LOC128706666: variants seen among roughly 807,000 people sequenced by gnomAD.
chr20:10,430,048 A>C, the LOC128706666 span, among the ~76,000 whole-genome samples: 1 of 152,250 alleles, frequency 6.6e-6, no homozygotes, highest in Non-Finnish European at 1.5e-5. Flanking sequence ...CAAAAAAACA[A>C]AAACAAAAAC....
the LOC128706666 span, chr20:10,431,799 A>G: frequency 4.6e-5 from 7 of 152,314 alleles, no homozygotes; most frequent in Non-Finnish European, 1.0e-4. Flanking sequence ...GCGTAGCAGA[A>G]AAGTAGAGAA....
chr20:10,416,920 T>C, the LOC128706666 span, among the ~76,000 whole-genome samples: 1 of 152,282 alleles, frequency 6.6e-6, no homozygotes, highest in Non-Finnish European at 1.5e-5. Flanking sequence ...AGCTGAAGGG[T>C]TGGTATAGAC....
the LOC128706666 span, chr20:10,413,913 T>A: frequency 2.4e-6 from 1 of 416,266 alleles, no homozygotes; most frequent in Non-Finnish European, 4.2e-6. Context: ...GAAGCTCAGA[T>A]TCAAAGCTGC....
the LOC128706666 span, among the ~76,000 whole-genome samples, chr20:10,421,825 A>G: frequency 6.6e-6 from 1 of 151,886 alleles, no homozygotes; most frequent in Non-Finnish European, 1.5e-5. Context: ...AGTAGGGCCC[A>G]GAAAGATGCT....
chr20:10,423,343 C>T, the LOC128706666 span, among the ~76,000 whole-genome samples: 23 of 152,102 alleles, frequency 1.5e-4, no homozygotes, highest in Middle Eastern at 3.4e-3. Flanking sequence ...ATCGCTTGGA[C>T]CTTGGGAGGC....
chr20:10,422,703 GTTATA>G, the LOC128706666 span, among the ~76,000 whole-genome samples: 98 of 149,304 alleles, frequency 6.6e-4, no homozygotes, highest in African/African-American at 2.3e-3. Flanking sequence ...AGGTTATCAA[GTTATA>G]TTATCTTTTT....
the LOC128706666 span, chr20:10,413,710 A>G: frequency 1.6e-6 from 1 of 625,018 alleles, no homozygotes; most frequent in Non-Finnish European, 2.8e-6. Flanking sequence ...ATGACAAATT[A>G]GTAATTCCAA....
At chr20:10,427,029 G>GACACACACACAGACACACACACAC in the LOC128706666 span, among the ~76,000 whole-genome samples, 250 of 130,780 alleles carry the variant, frequency 1.9e-3, 3 homozygotes, top group African/African-American at 6.1e-3. Context: ...AGAAAACACT[G>GACACACACACAGACACACACACAC]ACACACACAC....
the LOC128706666 span, among the ~76,000 whole-genome samples, chr20:10,422,536 A>T: frequency 1.3e-3 from 197 of 152,220 alleles, no homozygotes; most frequent in Admixed American, 2.4e-3. Context: ...TACTTATAGG[A>T]GGGACAGAGG....
the LOC128706666 span, among the ~76,000 whole-genome samples, chr20:10,423,750 T>C: frequency 5.3e-5 from 8 of 152,330 alleles, 1 homozygote; most frequent in African/African-American, 1.7e-4. Context: ...CTCTTTCCAT[T>C]AGGATAACTT....
At chr20:10,414,215 T>C in the LOC128706666 span, among the ~76,000 whole-genome samples, 1 of 151,954 alleles carries the variant, frequency 6.6e-6, no homozygotes, top group African/African-American at 2.4e-5. Flanking sequence ...TATGGCATGC[T>C]TCTAGGAGAG....
chr20:10,434,124 G>C, the LOC128706666 span: 3 of 148,394 alleles, frequency 2.0e-5, no homozygotes, highest in Admixed American at 2.0e-4. Context: ...ACCAGCCGTC[G>C]CGCCGCCCCA....
the LOC128706666 span, among the ~76,000 whole-genome samples, chr20:10,431,205 T>C: frequency 3.9e-5 from 6 of 152,132 alleles, no homozygotes; most frequent in Non-Finnish European, 8.8e-5. Flanking sequence ...ATCAAAGCAA[T>C]TATATATTAT....
chr20:10,420,007 T>C, the LOC128706666 span, among the ~76,000 whole-genome samples: 1 of 152,160 alleles, frequency 6.6e-6, no homozygotes. Context: ...GAGGATAAAA[T>C]GTTTTGGTTT....
the LOC128706666 span, among the ~76,000 whole-genome samples, chr20:10,423,466 A>G: frequency 2.0e-5 from 3 of 152,178 alleles, no homozygotes; most frequent in African/African-American, 7.2e-5. Context: ...GGATAAAAGG[A>G]TGTAATAATA....
At chr20:10,432,977 G>A in the LOC128706666 span, among the ~76,000 whole-genome samples, 2 of 152,158 alleles carry the variant, frequency 1.3e-5, no homozygotes, top group Admixed American at 6.5e-5. Flanking sequence ...GTTCAGTACA[G>A]ATGTAACCAT....
At chr20:10,419,754 G>T in the LOC128706666 span, among the ~76,000 whole-genome samples, 1 of 152,138 alleles carries the variant, frequency 6.6e-6, no homozygotes, top group African/African-American at 2.4e-5. Flanking sequence ...GACAGACAAG[G>T]GAATGACTCA....
the LOC128706666 span, among the ~76,000 whole-genome samples, chr20:10,420,272 T>A: frequency 6.6e-6 from 1 of 152,138 alleles, no homozygotes; most frequent in Non-Finnish European, 1.5e-5. Flanking sequence ...TTGCACACAT[T>A]CATGATCCTG....
the LOC128706666 span, among the ~76,000 whole-genome samples, chr20:10,416,648 A>C: frequency 1.4e-3 from 218 of 152,350 alleles, 1 homozygote; most frequent in African/African-American, 4.8e-3. Context: ...TTCCTTGTAT[A>C]AATGCATTTT....
Sources: allele counts gnomAD v4.1 joint callset (sites outside exome capture counted in the v4.1 genomes callset), GRCh38; gene constraint gnomAD v4.1.1; transcripts MANE v1.5.